Variants in RBFOX1 observed in about 807,000 individuals in gnomAD.
The protein encoded by RBFOX1 is RNA binding fox-1 homolog 1, also known as RNA binding protein fox-1 homolog 1.
Under a neutral mutation model 57.7 loss-of-function variants are expected in RBFOX1, and 8 were observed. That is an observed-to-expected ratio of 0.14 (90% CI 0.08 to 0.25). The LOEUF (loss-of-function observed/expected upper bound fraction) is 0.25. RBFOX1 is among the 10% of genes least tolerant of loss of function. The probability of loss-of-function intolerance (pLI) is 1.00; values close to 1 mark genes in which losing one functional copy is unlikely to be tolerated. For synonymous variants in RBFOX1, 326 were observed against 222.4 expected (o/e 1.47, Z -4.15); for missense variants, 611 against 548.5 (o/e 1.11, Z -1.14).
At chr16:5,798,158 A>C (rs2151747418) in intron 3 of RBFOX1, among the ~76,000 whole-genome samples, 1 of 152,308 alleles carries the variant, frequency 6.6e-6, no homozygotes, top group South Asian at 2.1e-4. Flanking sequence ...CAGGGATAAA[A>C]ATGACTAATT....
rs57341237 is a variant in RBFOX1, at chr16:6,060,989, A to T, written c.-127+40997A>T. Among the ~76,000 whole-genome samples, 595 of 152,326 alleles carry T rather than the reference A, an allele frequency of 3.9e-3. 2 individuals are homozygous for T. Among genetic ancestry groups the T allele is most frequent in the African/African-American group, 0.013 (553 of 41,570 alleles). On this transcript the variant is annotated intron_variant, in intron 1 of 15. Transcript: ENST00000550418. Reference sequence around the variant, plus strand: ...CTACTGCAGTGATTACAATCCATGCATTCATTTACAGTTACTGAGGACAGA... The same window carrying T: ...CTACTGCAGTGATTACAATCCATGCTTTCATTTACAGTTACTGAGGACAGA...
intron 1 of RBFOX1, among the ~76,000 whole-genome samples, chr16:5,364,286 G>C (rs2065642432): frequency 6.6e-6 from 1 of 152,196 alleles, no homozygotes; most frequent in Non-Finnish European, 1.5e-5. Flanking sequence ...AGTCCCCCAG[G>C]GGTGCACAGA....
intron 2 of RBFOX1, among the ~76,000 whole-genome samples, chr16:6,474,979 C>T (rs952351098): frequency 6.6e-6 from 1 of 152,100 alleles, no homozygotes; most frequent in African/African-American, 2.4e-5. Flanking sequence ...ATTTTTTGTC[C>T]TTACAGCACA....
intron 3 of RBFOX1, among the ~76,000 whole-genome samples, chr16:5,765,360 T>G (rs2053738826): frequency 6.6e-6 from 1 of 152,092 alleles, no homozygotes; most frequent in African/African-American, 2.4e-5. Flanking sequence ...AAAGTCAAAT[T>G]TCAGTTTCAA....
At chr16:6,922,368 C>G (rs1187308050) in intron 3 of RBFOX1, among the ~76,000 whole-genome samples, 1 of 152,148 alleles carries the variant, frequency 6.6e-6, no homozygotes, top group South Asian at 2.1e-4. Flanking sequence ...CTTGCAAGCC[C>G]ACTAAAGAAC....
chr16:6,676,865 G>A (rs1045533414), intron 3 of RBFOX1, among the ~76,000 whole-genome samples: 15 of 151,540 alleles, frequency 9.9e-5, no homozygotes, highest in East Asian at 3.9e-4. Flanking sequence ...TAGTAGAGAC[G>A]GGGTTTCACC....
At chr16:7,046,546 G>C (rs2048008756) in intron 3 of RBFOX1, among the ~76,000 whole-genome samples, 1 of 143,530 alleles carries the variant, frequency 7.0e-6, no homozygotes, top group Non-Finnish European at 1.5e-5. Context: ...AAAGATGGGA[G>C]ATAATAAAGT....
intron 3 of RBFOX1, among the ~76,000 whole-genome samples, chr16:5,629,181 A>G (rs780754606): frequency 2.0e-5 from 3 of 152,226 alleles, no homozygotes; most frequent in African/African-American, 4.8e-5. Flanking sequence ...AAGCAACCTG[A>G]ATTCAACTCA....
chr16:7,643,721 C>A (rs1019316059), intron 11 of RBFOX1, among the ~76,000 whole-genome samples: 1 of 152,198 alleles, frequency 6.6e-6, no homozygotes, highest in Non-Finnish European at 1.5e-5. Context: ...CAAAGGGAAA[C>A]AGCCTGCCTT....
intron 3 of RBFOX1, among the ~76,000 whole-genome samples, chr16:6,818,182 G>A (rs2154273444): frequency 6.6e-6 from 1 of 152,226 alleles, no homozygotes; most frequent in Admixed American, 6.5e-5. Flanking sequence ...CCTGCCACAG[G>A]GATCCTGCTG....
chr16:5,249,644 A>C (rs1264389761), intron 1 of RBFOX1, among the ~76,000 whole-genome samples: 1 of 152,216 alleles, frequency 6.6e-6, no homozygotes, highest in Non-Finnish European at 1.5e-5. Context: ...TATTAAAAAT[A>C]CAAATTATTA....
chr16:7,270,982 A>T (rs1294755709), intron 4 of RBFOX1, among the ~76,000 whole-genome samples: 1 of 152,172 alleles, frequency 6.6e-6, no homozygotes, highest in Admixed American at 6.5e-5. Context: ...GAAGACACAC[A>T]TGTGCAAGTT....
At chr16:6,958,749 T>G (rs1010883760) in intron 3 of RBFOX1, among the ~76,000 whole-genome samples, 1 of 152,166 alleles carries the variant, frequency 6.6e-6, no homozygotes, top group African/African-American at 2.4e-5. Context: ...TTTTATCATA[T>G]GCTTAAAAAT....
chr16:6,284,101 A>G (rs181950983), intron 1 of RBFOX1, among the ~76,000 whole-genome samples: 1 of 152,322 alleles, frequency 6.6e-6, no homozygotes, highest in African/African-American at 2.4e-5. Context: ...TTAGACTCAC[A>G]CAACATCTAG....
intron 4 of RBFOX1, among the ~76,000 whole-genome samples, chr16:7,421,051 G>A (rs2098538327): frequency 1.3e-5 from 2 of 151,948 alleles, no homozygotes; most frequent in Admixed American, 6.6e-5. Flanking sequence ...AACCATACCT[G>A]ACTCTTTTGC....
chr16:7,342,100 G>A (rs562991473), intron 4 of RBFOX1, among the ~76,000 whole-genome samples: 3 of 152,214 alleles, frequency 2.0e-5, no homozygotes, highest in African/African-American at 4.8e-5. Context: ...AGGCAGCACA[G>A]TTAAATTTGA....
In RBFOX1 at chr16:5,897,016, C is replaced by CTTTTTTTTTTT. The variant is rs575235024; in HGVS notation, c.351+29701_351+29711dup. Among the ~76,000 whole-genome samples, 206 of 56,470 alleles carry CTTTTTTTTTTT rather than the reference C, an allele frequency of 3.6e-3. 21 individuals carry two copies. The highest frequency in any genetic ancestry group is 7.0e-3 in the African/African-American group (91 of 13,014). 37.0% of individuals were successfully genotyped at this position (56,470 alleles called of 152,430 possible). A position where few individuals can be genotyped will look rare whatever the true frequency, so the allele number is the denominator to read the frequency against. ...CCCCCACTAAAAATGTATCCATCCG[C>CTTTTTTTTTTT]TTTTTTTTTTTTTTTTTTTTTTTTT... On this transcript the variant is annotated intron_variant, in intron 4 of 19. Transcript: ENST00000641259.
chr16:7,514,550 G>A (rs2075926747), intron 4 of RBFOX1, among the ~76,000 whole-genome samples: 1 of 152,140 alleles, frequency 6.6e-6, no homozygotes, highest in Admixed American at 6.5e-5. Context: ...AGCTGCAGTG[G>A]AGCAGAGGGG....
intron 14 of RBFOX1, among the ~76,000 whole-genome samples, chr16:7,693,925 C>G (rs1288431534): frequency 2.0e-5 from 3 of 152,164 alleles, no homozygotes; most frequent in Non-Finnish European, 4.4e-5. Flanking sequence ...TCTCAAGTAG[C>G]AGGACTTAGA....
Sources: gnomAD v4.1 joint callset for allele counts (sites outside exome capture counted in the v4.1 genomes callset) on GRCh38, gnomAD v4.1.1 for gene constraint, MANE v1.5 for transcripts, NCBI Gene and HGNC (gene_info 2026-07-23, HGNC 2026-07-21) for gene names.